The following CNPY4 variants were observed in gnomAD, a reference collection of about 807,000 sequenced individuals.
CNPY4 encodes the protein protein canopy homolog 4.
In CNPY4, 33 loss-of-function variants were observed where a neutral mutation model predicts 30.1. The observed-to-expected ratio is 1.10, with a 90% confidence interval of 0.83 to 1.46. The LOEUF (loss-of-function observed/expected upper bound fraction) is 1.46. Among genes scored for constraint, CNPY4 ranks in the 40% most tolerant of loss-of-function variants. The pLI, the probability that CNPY4 is intolerant of heterozygous loss-of-function variation, is 0.00. For missense variants in CNPY4, 324 were observed against 302.6 expected (o/e 1.07, Z -0.52); for synonymous variants, 109 against 110.1 (o/e 0.99, Z 0.06).
rs1162869992 is a variant in CNPY4 at position 100,119,651 on chromosome 7, A to T, written c.-94A>T. ...GCGCCGACCTTCCTCGGCTGGATTT[A>T]AGGTTGCCGCTAGCCGCCTGGGAAT... On this transcript the variant is annotated 5_prime_UTR_variant, in exon 1 of 6. Transcript: ENST00000262932. 3 of 1,609,352 alleles carry T rather than the reference A, an allele frequency of 1.9e-6. No homozygotes were observed. Among genetic ancestry groups the T allele is most frequent in the Non-Finnish European group, 2.5e-6 (3 of 1,177,982 alleles).
chr7:100,122,027 G>A (rs1798087938), intron 1 of CNPY4: 1 of 435,890 alleles, frequency 2.3e-6, no homozygotes, highest in Admixed American at 3.8e-5. Context: ...TACAGCCTGG[G>A]CGACAGAGCG....
intron 1 of CNPY4, among the ~76,000 whole-genome samples, chr7:100,121,816 C>T (rs919529701): frequency 5.1e-4 from 77 of 151,120 alleles, no homozygotes; most frequent in Admixed American, 6.6e-4. Context: ...TTTGGGAGGC[C>T]AAGGCGGGCG....
At position 100,124,792 on chromosome 7, in the gene CNPY4, AGAGCAGGAG is replaced by A. The variant is rs765539109; in HGVS notation, c.655_663del (p.Gln219_Glu221del). ...GGGAAGAGAAAACAGAAGGGGAGGA[AGAGCAGGAG>A]GAGGAGGAGGAAGAGGAGGAAGAGG... On this transcript the variant is annotated inframe_deletion, in exon 6 of 6. Transcript: ENST00000262932. The A allele has an allele frequency of 6.2e-6, 10 of 1,612,916 alleles. No individual in the cohort carries two copies. In the African/African-American group the frequency reaches 1.1e-4, roughly 17 times the overall value.
chr7:100,124,035 G>A (rs1798152024), intron 4 of CNPY4, among the ~76,000 whole-genome samples: 2 of 151,938 alleles, frequency 1.3e-5, no homozygotes, highest in South Asian at 2.1e-4. Flanking sequence ...TACTCAGGAA[G>A]CTGAGGCAGG....
At chr7:100,119,897 C>A in intron 1 of CNPY4, 35 bp downstream of exon 1, 1 of 1,547,538 alleles carries the variant, frequency 6.5e-7, no homozygotes, top group South Asian at 1.2e-5. Context: ...AGGCATCGCC[C>A]GGCCACACCT....
At position 100,124,957 on chromosome 7, in the gene CNPY4, C is replaced by T. The variant is rs1162947795; in HGVS notation, c.*69C>T. 3.9e-5 allele frequency: 58 copies of T among 1,499,316 alleles called. No individual in the cohort carries two copies. The highest frequency in any genetic ancestry group is 8.9e-6 in the Non-Finnish European group (10 of 1,117,606). The allele number at this position is 1,499,316 out of a possible 1,614,324, so 92.9% of individuals were successfully genotyped here. On this transcript the variant is annotated 3_prime_UTR_variant, in exon 6 of 6. Transcript: ENST00000262932. ...CCCTCTAAAGCCTGCACTCTCCCTG[C>T]TCCACAGCTTTCAGGGTGTGTTTAT... is the stretch of plus-strand genomic sequence containing the variant.
At position 100,125,167 on chromosome 7, in the gene CNPY4, TTAAC is replaced by T. The variant is rs1187067087; in HGVS notation, c.*281_*284del. The stretch of plus-strand genomic sequence containing the variant: ...CTGACAGTACTGAAAGCTTTCCTCT[TTAAC>T]TGATCCCACCCCCACCCAAAAGTCA... On this transcript the variant is annotated 3_prime_UTR_variant, in exon 6 of 6. Transcript: ENST00000262932. The T allele has an allele frequency of 5.4e-6, 2 of 367,830 alleles. No homozygotes were observed. The highest frequency in any genetic ancestry group is 4.2e-5 in the African/African-American group (2 of 48,150). The allele number at this position is 367,830 out of a possible 1,614,324, so 22.8% of individuals were successfully genotyped here. A position where few individuals can be genotyped will look rare whatever the true frequency, so the allele number is the denominator to read the frequency against.
At position 100,122,112 on chromosome 7, in the gene CNPY4, T is replaced by A; in HGVS notation, c.119-147T>A. On this transcript the variant is annotated intron_variant, in intron 1 of 5. Transcript: ENST00000262932. Reference sequence around the variant, plus strand: ...GCAAGCAGGAAGATTGCCACACAGCTGCTAAATGGCTGAGCCAGGATTCCA... The same window carrying A: ...GCAAGCAGGAAGATTGCCACACAGCAGCTAAATGGCTGAGCCAGGATTCCA... 3.5e-6 allele frequency: 3 copies of A among 857,646 alleles called. No homozygotes were observed. In the East Asian group the frequency reaches 8.1e-5, roughly 23 times the overall value. 53.1% of individuals were successfully genotyped at this position (857,646 alleles called of 1,614,324 possible).
In CNPY4 at chr7:100,121,998, C is replaced by T. The variant is rs563572264; in HGVS notation, c.119-261C>T. On this transcript the variant is annotated intron_variant, in intron 1 of 5. Transcript: ENST00000262932. Reference sequence around the variant, plus strand: ...CCAGGAGGCGGAGCTGGCAGTGAGCCGAGACTGCGCCACTGCACTACAGCC... The same window carrying T: ...CCAGGAGGCGGAGCTGGCAGTGAGCTGAGACTGCGCCACTGCACTACAGCC... The T allele has an allele frequency of 8.0e-4, 283 of 353,118 alleles. 1 individual carries two copies. The highest frequency in any genetic ancestry group is 3.8e-4 in the Non-Finnish European group (72 of 190,550). 21.9% of individuals were successfully genotyped at this position (353,118 alleles called of 1,614,324 possible). A position where few individuals can be genotyped will look rare whatever the true frequency, so the allele number is the denominator to read the frequency against.
intron 1 of CNPY4, chr7:100,121,116 A>ATATATATAT (rs1584585316): frequency 1.1e-4 from 6 of 52,776 alleles, no homozygotes; most frequent in African/African-American, 1.9e-4. Context: ...ATATATATAT[A>ATATATATAT]TTTTTTTTTT....
At chr7:100,120,065 T>C in intron 1 of CNPY4, 1 of 469,236 alleles carries the variant, frequency 2.1e-6, no homozygotes, top group Non-Finnish European at 3.7e-6. Flanking sequence ...AGAGCCTGCA[T>C]TTTTTTGGCT....
At chr7:100,123,535 T>C (rs1195745969) in intron 4 of CNPY4, among the ~76,000 whole-genome samples, 1 of 152,036 alleles carries the variant, frequency 6.6e-6, no homozygotes, top group East Asian at 1.9e-4. Context: ...AATTTTTTTT[T>C]TCAAGACGGA....
chr7:100,124,534 G>A lies in CNPY4; in HGVS notation c.486G>A (p.Glu162=), dbSNP rs761552985. 8.1e-6 allele frequency: 13 copies of A among 1,612,680 alleles called. No homozygotes were observed. The African/African-American group carries it at 1.7e-4, about 22-fold the overall frequency. The change falls in exon 5 of 6, where the codon GAG becomes GAA. Residue 162 remains glutamate (E), a synonymous_variant. Transcript: ENST00000262932. ...ACCAGTGTGAGACCATGTTGGAGGA[G>A]TTTGAAGACATTGTGGGAGACTGGT... is the stretch of plus-strand genomic sequence containing the variant. The part of the protein sequence containing the change: ...LKKQCETMLE[E]FEDIVGDWYF...
At chr7:100,120,865 T>C (rs1021658498) in intron 1 of CNPY4, among the ~76,000 whole-genome samples, 2 of 151,986 alleles carry the variant, frequency 1.3e-5, no homozygotes, top group African/African-American at 2.4e-5. Flanking sequence ...ATCCTTGGTT[T>C]ATCTGTCCCA....
chr7:100,119,686 C>T lies in CNPY4; in HGVS notation c.-59C>T. ...CTAGCCGCCTGGGAATTTAAGGGAC[C>T]CACACTACCTTCCCGAAGTTGAAGG... On this transcript the variant is annotated 5_prime_UTR_variant, in exon 1 of 6. Transcript: ENST00000262932. 6.2e-7 allele frequency: 1 copy of T among 1,613,466 alleles called. No homozygotes were observed. The highest frequency in any genetic ancestry group is 8.5e-7 in the Non-Finnish European group (1 of 1,179,744).
At position 100,122,913 on chromosome 7, in the gene CNPY4, TAA is replaced by T. The variant is rs771756936; in HGVS notation, c.465+8_465+9del. On this transcript the variant is annotated splice_region_variant and intron_variant, in intron 4 of 5. Transcript: ENST00000262932. ...CACATACCTCAAGAAGCAGGTAGGA[TAA>T]GACACTGCACCATCCAGGGAGGTGA... 17 of 1,610,546 alleles carry T rather than the reference TAA, an allele frequency of 1.1e-5. No individual in the cohort carries two copies. The highest frequency in any genetic ancestry group is 1.4e-5 in the Non-Finnish European group (17 of 1,178,410).
At chr7:100,123,896 C>T (rs10233643) in intron 4 of CNPY4, among the ~76,000 whole-genome samples, 113 of 152,138 alleles carry the variant, frequency 7.4e-4, no homozygotes, top group African/African-American at 2.5e-3. Context: ...TTTGGGAGGG[C>T]GAGACAGGCG....
chr7:100,123,437 G>C (rs1464510778), intron 4 of CNPY4, among the ~76,000 whole-genome samples: 1 of 152,084 alleles, frequency 6.6e-6, no homozygotes, highest in African/African-American at 2.4e-5. Flanking sequence ...GTGAGTCTGA[G>C]GGAGAAGGAC....
In CNPY4 at chr7:100,123,613, C is replaced by T. The variant is rs557566135; in HGVS notation, c.465+707C>T. ...TCGGCTCACCGCGACCTCCGCCTCC[C>T]GGGTTCAAGCCATTCTCCTGCTTCA... On this transcript the variant is annotated intron_variant, in intron 4 of 5. Transcript: ENST00000262932. 3.0e-4 allele frequency among the ~76,000 whole-genome samples: 46 copies of T among 152,152 alleles called. No homozygotes were observed. In the East Asian group the frequency reaches 8.8e-3, roughly 29 times the overall value.
Sources: gnomAD v4.1 joint callset for allele counts (sites outside exome capture counted in the v4.1 genomes callset) on GRCh38, gnomAD v4.1.1 for gene constraint, MANE v1.5 for transcripts, NCBI Gene and HGNC (gene_info 2026-07-23, HGNC 2026-07-21) for gene names.